USH1C: variants seen among roughly 807,000 people sequenced by gnomAD.
USH1C encodes the protein harmonin.
In USH1C, 90 loss-of-function variants were observed where a neutral mutation model predicts 119.3. The observed-to-expected ratio is 0.75, with a 90% CI of 0.64 to 0.90. USH1C has a LOEUF of 0.90. Ranked by LOEUF, USH1C falls within the 40% of genes least tolerant of loss-of-function variation. The pLI is 0.00. For synonymous variants in USH1C, 465 were observed against 443.3 expected (o/e 1.05, Z -0.62); for missense variants, 1,165 against 1,167.7 (o/e 1.00, Z 0.03).
chr11:17,531,042 A>AG lies in USH1C; in HGVS notation c.387+111dup, dbSNP rs1195994451. 6.5e-7 allele frequency: 1 copy of AG among 1,542,726 alleles called. No individual in the cohort carries two copies. Among genetic ancestry groups the AG allele is most frequent in the East Asian group, 2.3e-5 (1 of 43,286 alleles). On this transcript the variant is annotated intron_variant, in intron 4 of 26. Coordinates refer to ENST00000005226, the MANE Select transcript of USH1C (RefSeq NM_153676.4). The surrounding 1 kb of genome is among the most constrained non-coding windows in gnomAD (Gnocchi z 4.2). ...ATGCGCCAGCCTCTTCTTCACCCGA[A>AG]GGCTCAGAAAAGTGGGTGACCATGT... is the stretch of plus-strand genomic sequence containing the variant.
rs1240739036 is a variant in USH1C, at chr11:17,531,369, C to G, written c.248+30G>C. 1 of 1,613,626 alleles carries G rather than the reference C, an allele frequency of 6.2e-7. No homozygotes were observed. Among genetic ancestry groups the G allele is most frequent in the Admixed American group, 1.7e-5 (1 of 59,948 alleles). On this transcript the variant is annotated intron_variant, in intron 3 of 26. Coordinates refer to ENST00000005226, the MANE Select transcript of USH1C (RefSeq NM_153676.4). The surrounding 1 kb of genome is among the most constrained non-coding windows in gnomAD (Gnocchi z 4.2). Reference sequence around the variant, plus strand: ...CCGCCCAGGGTGATCTCTCCACCCCCTGCCTCCAGCCTGGTGGCTTCCTCT... The same window carrying G: ...CCGCCCAGGGTGATCTCTCCACCCCGTGCCTCCAGCCTGGTGGCTTCCTCT...
intron 23 of USH1C, among the ~76,000 whole-genome samples, chr11:17,500,267 G>A (rs1849386448): frequency 6.6e-6 from 1 of 152,206 alleles, no homozygotes; most frequent in South Asian, 2.1e-4. Context: ...AGACAGAGGT[G>A]GCACTTGTGC....
At chr11:17,529,697 G>GC (rs1456120397) in intron 4 of USH1C, among the ~76,000 whole-genome samples, 1 of 152,246 alleles carries the variant, frequency 6.6e-6, no homozygotes, top group Non-Finnish European at 1.5e-5. Context: ...CCTGTGTGGA[G>GC]CCCTGCAAAG....
chr11:17,539,598 G>A (rs1327226013), intron 1 of USH1C, among the ~76,000 whole-genome samples: 1 of 152,156 alleles, frequency 6.6e-6, no homozygotes, highest in Non-Finnish European at 1.5e-5. Context: ...ATCCACAGCA[G>A]TGGGCAGCGA....
intron 1 of USH1C, among the ~76,000 whole-genome samples, chr11:17,538,080 G>A (rs1851301440): frequency 6.6e-6 from 1 of 152,164 alleles, no homozygotes; most frequent in African/African-American, 2.4e-5. Context: ...ACTAGATTTA[G>A]AAAGCCTTTC....
intron 1 of USH1C, 41 bp from the exon 2 acceptor site, chr11:17,533,363 A>ACCT: frequency 7.3e-7 from 1 of 1,370,282 alleles, no homozygotes; most frequent in South Asian, 1.2e-5. Context: ...CAGGCTCAGC[A>ACCT]CCCGCCCCCA....
At chr11:17,533,124 T>C (rs982043351) in intron 2 of USH1C, 131 bp downstream of exon 2, 24 of 775,062 alleles carry the variant, frequency 3.1e-5, no homozygotes, top group Middle Eastern at 3.2e-4. Flanking sequence ...GTGAATGGTA[T>C]GTCCATTTGA....
intron 20 of USH1C, 91 bp downstream of exon 20, chr11:17,504,556 C>A: frequency 7.0e-7 from 1 of 1,433,096 alleles, no homozygotes; most frequent in Non-Finnish European, 9.8e-7. Context: ...ATGGACCTGA[C>A]CAGGTACTCC....
intron 10 of USH1C, 25 bp from the exon 11 acceptor site, chr11:17,523,292 C>T (rs1411383036): frequency 2.5e-6 from 4 of 1,614,162 alleles, no homozygotes; most frequent in Non-Finnish European, 8.5e-7. Context: ...GGACAGTGGG[C>T]CGAGGCCTGA....
At chr11:17,534,196 G>T (rs1205169490) in intron 1 of USH1C, among the ~76,000 whole-genome samples, 6 of 152,232 alleles carry the variant, frequency 3.9e-5, no homozygotes, top group East Asian at 1.9e-4. Context: ...CCGGCCCAGG[G>T]CCTCAGCCCT....
intron 23 of USH1C, among the ~76,000 whole-genome samples, chr11:17,498,770 C>T (rs1246499120): frequency 3.9e-5 from 6 of 152,070 alleles, no homozygotes; most frequent in African/African-American, 1.4e-4. Context: ...GTAGATCTTG[C>T]CTATTCTCTC....
Position 17,494,226 on chromosome 11 carries a change from G to T in USH1C, c.*106C>A. 2 of 1,364,996 alleles carry T rather than the reference G, an allele frequency of 1.5e-6. No individual in the cohort carries two copies. Among genetic ancestry groups the T allele is most frequent in the Non-Finnish European group, 2.0e-6 (2 of 977,006 alleles). The allele number at this position is 1,364,996 out of a possible 1,614,324, so 84.6% of individuals were successfully genotyped here. ...CAAAGGGAGTTTGAGATTCCTGGGT[G>T]ATAGATTCAGGTCCCAAGGATGCCA... On this transcript the variant is annotated 3_prime_UTR_variant, in exon 27 of 27. Transcript: ENST00000005226.
At chr11:17,524,607 A>G in intron 8 of USH1C, 72 bp from the exon 9 acceptor site, 1 of 1,514,592 alleles carries the variant, frequency 6.6e-7, no homozygotes, top group Non-Finnish European at 9.0e-7. Flanking sequence ...CAGGTCACTC[A>G]TGAGCTGAGG....
rs41282940 is a variant in USH1C, at chr11:17,526,960, T to C, written c.521+56A>G. The C allele has an allele frequency of 0.12, 192,998 of 1,563,346 alleles. 13,827 individuals are homozygous for C. The highest frequency in any genetic ancestry group is 0.26 in the South Asian group (22,484 of 85,096). ...TGGTGGGAGCCGGACCCCAGGGCTGTACCAGGATCCTGGGCCCACAGGGAA... is the reference window on the plus strand; with the variant it reads ...TGGTGGGAGCCGGACCCCAGGGCTGCACCAGGATCCTGGGCCCACAGGGAA... On this transcript the variant is annotated intron_variant, in intron 6 of 26. Coordinates refer to ENST00000005226, the MANE Select transcript of USH1C (RefSeq NM_153676.4).
chr11:17,533,041 T>A (rs773163257), intron 2 of USH1C, among the ~76,000 whole-genome samples: 10 of 152,218 alleles, frequency 6.6e-5, no homozygotes, highest in Non-Finnish European at 1.2e-4. Context: ...CCAATCTGTC[T>A]GGCTCACAAC....
intron 14 of USH1C, among the ~76,000 whole-genome samples, 154 bp downstream of exon 14, chr11:17,520,716 G>A (rs575935014): frequency 6.6e-6 from 1 of 152,172 alleles, no homozygotes; most frequent in Non-Finnish European, 1.5e-5. Context: ...TCGATGCTGG[G>A]GCAGATGGTC....
intron 8 of USH1C, 138 bp downstream of exon 8, chr11:17,526,209 A>G (rs552244499): frequency 2.7e-6 from 2 of 741,148 alleles, no homozygotes; most frequent in Admixed American, 4.0e-5. Flanking sequence ...TCTAACAAAA[A>G]AAGTATCATC....
chr11:17,528,845 T>C (rs1209412433), intron 4 of USH1C, among the ~76,000 whole-genome samples: 4 of 152,210 alleles, frequency 2.6e-5, no homozygotes, highest in Admixed American at 1.3e-4. Flanking sequence ...TCTGGGAACA[T>C]GTAATTCAAG....
chr11:17,525,817 C>T (rs1043500096), intron 8 of USH1C, among the ~76,000 whole-genome samples: 8 of 152,220 alleles, frequency 5.3e-5, no homozygotes, highest in Admixed American at 1.3e-4. Context: ...GCCTCAATTT[C>T]CTCATCTGTA....
Sources: allele counts gnomAD v4.1 joint callset (sites outside exome capture counted in the v4.1 genomes callset), GRCh38; gene constraint gnomAD v4.1.1; non-coding constraint Gnocchi (gnomAD v3.1); transcripts MANE v1.5; gene names NCBI Gene and HGNC (gene_info 2026-07-23, HGNC 2026-07-21).